Variants in TTC33 observed in about 807,000 individuals in gnomAD.
The protein encoded by TTC33 is tetratricopeptide repeat domain 33.
In TTC33, 24 loss-of-function variants were observed where a neutral mutation model predicts 29.4. The ratio of observed to expected loss-of-function variants is 0.82; its 90% confidence interval spans 0.59 to 1.15. TTC33 has a LOEUF of 1.15. TTC33 is among the 50% of genes most tolerant of loss of function. TTC33 has a pLI of 0.00. For missense variants in TTC33, 286 were observed against 310.4 expected, an observed-to-expected ratio of 0.92 and a Z score of 0.59; for synonymous variants, 107 against 100.3, an observed-to-expected ratio of 1.07 and a Z score of -0.40.
intron 4 of TTC33, among the ~76,000 whole-genome samples, chr5:40,719,831 T>G (rs1742087228): frequency 6.6e-6 from 1 of 152,258 alleles, no homozygotes; most frequent in Admixed American, 6.5e-5. Context: ...GCTGTGTGTG[T>G]ATCTTCTTTG....
chr5:40,738,582 A>AAT lies in TTC33; in HGVS notation c.221+8214_221+8215dup, dbSNP rs1296396352. Among the ~76,000 whole-genome samples the AAT allele has an allele frequency of 2.1e-3, 298 of 140,184 alleles. 5 individuals carry two copies. The highest frequency in any genetic ancestry group is 6.2e-3 in the African/African-American group (239 of 38,592). The allele number at this position is 140,184 out of a possible 152,430, so 92.0% of individuals were successfully genotyped here. ...TAAAATAAAATATAAAATAAAATAAAATAAAATAAAATAAAATAAAATAAA... is the reference window on the plus strand; with the variant it reads ...TAAAATAAAATATAAAATAAAATAAAATATAAAATAAAATAAAATAAAATAAA... On this transcript the variant is annotated intron_variant, in intron 2 of 4. Coordinates refer to ENST00000337702, the MANE Select transcript of TTC33 (RefSeq NM_012382.3).
At chr5:40,723,025 C>T (rs546641075) in intron 4 of TTC33, among the ~76,000 whole-genome samples, 1 of 152,144 alleles carries the variant, frequency 6.6e-6, no homozygotes, top group Non-Finnish European at 1.5e-5. Context: ...AAGGAGAGAT[C>T]GGATTGTTAC....
At chr5:40,754,244 A>G (rs963967595) in intron 1 of TTC33, among the ~76,000 whole-genome samples, 6 of 152,184 alleles carry the variant, frequency 3.9e-5, no homozygotes, top group Admixed American at 3.9e-4. Flanking sequence ...TGAGGTTATG[A>G]GGGTGTGGGA....
rs1293545916 is a variant in TTC33 at position 40,738,119 on chromosome 5, T to A, written c.222-7776A>T. Among the ~76,000 whole-genome samples, 3 of 152,104 alleles carry A rather than the reference T, an allele frequency of 2.0e-5. No individual in the cohort carries two copies. In the East Asian group the frequency reaches 5.8e-4, roughly 29 times the overall value. On this transcript the variant is annotated intron_variant, in intron 2 of 4. Transcript: ENST00000337702. ...GTACAATAAAGTATATATTTAACTT[T>A]ATGTGAAACAGGCCAGGCACAGTGG...
chr5:40,722,788 C>T (rs576056966), intron 4 of TTC33, among the ~76,000 whole-genome samples: 4 of 151,472 alleles, frequency 2.6e-5, no homozygotes, highest in South Asian at 2.1e-4. Flanking sequence ...GGGCAGCCCC[C>T]GCCCAGCCAG....
chr5:40,750,253 G>A (rs1213476985), intron 1 of TTC33, among the ~76,000 whole-genome samples: 3 of 152,048 alleles, frequency 2.0e-5, no homozygotes, highest in African/African-American at 7.3e-5. Flanking sequence ...CTGAAGGCTG[G>A]TGGCTGTGAC....
chr5:40,730,171 G>T, intron 3 of TTC33, 91 bp downstream of exon 3: 1 of 938,508 alleles, frequency 1.1e-6, no homozygotes, highest in Non-Finnish European at 1.6e-6. Context: ...AAGAAAATGG[G>T]AGAAAATGCT....
At chr5:40,718,617 C>T (rs905988584) in intron 4 of TTC33, among the ~76,000 whole-genome samples, 1 of 151,410 alleles carries the variant, frequency 6.6e-6, no homozygotes, top group East Asian at 2.0e-4. Flanking sequence ...GCACCCTCCA[C>T]GTGGTGGCTA....
At chr5:40,741,403 G>A (rs1742692085) in intron 2 of TTC33, among the ~76,000 whole-genome samples, 1 of 152,196 alleles carries the variant, frequency 6.6e-6, no homozygotes, top group African/African-American at 2.4e-5. Context: ...CGCTCTGTAT[G>A]AACGCTACGA....
intron 1 of TTC33, among the ~76,000 whole-genome samples, chr5:40,753,859 C>T (rs1321193204): frequency 6.6e-6 from 1 of 151,756 alleles, no homozygotes; most frequent in Non-Finnish European, 1.5e-5. Context: ...CTAAAGGACA[C>T]CTAGTGTGTT....
chr5:40,746,748 G>C (rs775289356), intron 2 of TTC33, 50 bp downstream of exon 2: 1 of 1,373,652 alleles, frequency 7.3e-7, no homozygotes, highest in Non-Finnish European at 1.0e-6. Flanking sequence ...CGGACAGTGA[G>C]CTAGAAAATG....
chr5:40,720,026 A>C (rs10038769), intron 4 of TTC33, among the ~76,000 whole-genome samples: 45,264 of 152,042 alleles, frequency 0.3, 6,993 homozygotes, highest in East Asian at 0.56. Flanking sequence ...TTTGAAGCAC[A>C]AAAGTGTTTA....
rs1561139660 is a variant in TTC33, at chr5:40,712,088, G to A, written c.*4057C>T. 6.6e-6 allele frequency among the ~76,000 whole-genome samples: 1 copy of A among 152,092 alleles called. No homozygotes were observed. Among genetic ancestry groups the A allele is most frequent in the Non-Finnish European group, 1.5e-5 (1 of 68,006 alleles). ...TTCTAAGTTATACTCATTTAAGAAA[G>A]TTAATAGAGGTGAACAGAGGATATC... On this transcript the variant is annotated 3_prime_UTR_variant, in exon 5 of 5. Coordinates refer to ENST00000337702, the MANE Select transcript of TTC33 (RefSeq NM_012382.3).
intron 4 of TTC33, among the ~76,000 whole-genome samples, chr5:40,727,094 T>C (rs1010211838): frequency 3.9e-5 from 6 of 152,190 alleles, no homozygotes; most frequent in Non-Finnish European, 8.8e-5. Context: ...TTCTGAGAAT[T>C]TGACAAACAC....
chr5:40,727,637 T>C (rs1463521430), intron 4 of TTC33, among the ~76,000 whole-genome samples: 2 of 152,358 alleles, frequency 1.3e-5, no homozygotes, highest in East Asian at 3.9e-4. Context: ...ACTGTCTTCC[T>C]TCCCCTGTAT....
Position 40,745,170 on chromosome 5 carries a change from C to T in TTC33, c.221+1628G>A, listed in dbSNP as rs1742767227. Among the ~76,000 whole-genome samples the T allele has an allele frequency of 1.3e-5, 2 of 152,138 alleles. 1 individual carries two copies. The highest frequency in any genetic ancestry group is 4.1e-4 in the South Asian group (2 of 4,836). ...AAGAGACATAATAACCAAATATAAT[C>T]TGTGAACTCCTTAGATCCTGGTTTT... On this transcript the variant is annotated intron_variant, in intron 2 of 4. Transcript: ENST00000337702.
At chr5:40,755,431 T>C (rs2111948794) in intron 1 of TTC33, among the ~76,000 whole-genome samples, 1 of 152,368 alleles carries the variant, frequency 6.6e-6, no homozygotes, top group East Asian at 1.9e-4. Flanking sequence ...TCAGAAAGGC[T>C]GCCCCGGACG....
At position 40,715,839 on chromosome 5, in the gene TTC33, CA is replaced by C. The variant is rs1358779071; in HGVS notation, c.*305del. 4.0e-6 allele frequency: 1 copy of C among 246,986 alleles called. No individual in the cohort carries two copies. Among genetic ancestry groups the C allele is most frequent in the African/African-American group, 2.2e-5 (1 of 44,722 alleles). The allele number at this position is 246,986 out of a possible 1,614,324, so 15.3% of individuals were successfully genotyped here. ...AACATTGATCAAATTATTCACTATT[CA>C]AGAATACATTTTTCAAGTTTTGTCT... is the stretch of plus-strand genomic sequence containing the variant. On this transcript the variant is annotated 3_prime_UTR_variant, in exon 5 of 5. Transcript: ENST00000337702.
At chr5:40,722,406 A>C (rs1429596359) in intron 4 of TTC33, among the ~76,000 whole-genome samples, 3 of 124,564 alleles carry the variant, frequency 2.4e-5, no homozygotes, top group Non-Finnish European at 5.1e-5. Flanking sequence ...CCGGCCGCCC[A>C]GTCTGGGAAG....
Sources: allele counts gnomAD v4.1 joint callset (sites outside exome capture counted in the v4.1 genomes callset), GRCh38; gene constraint gnomAD v4.1.1; transcripts MANE v1.5; gene names NCBI Gene and HGNC (gene_info 2026-07-23, HGNC 2026-07-21).